Variants in AATK observed in about 807,000 individuals in gnomAD.
AATK encodes the protein lemur tail kinase 1, also known as serine/threonine-protein kinase LMTK1.
Under a neutral mutation model 114.3 loss-of-function variants are expected in AATK, and 91 were observed. That is an observed-to-expected ratio of 0.80 (90% confidence interval 0.67 to 0.95). The LOEUF is 0.95. Ranked by LOEUF, AATK falls within the 40% of genes least tolerant of loss-of-function variation. AATK has a pLI of 0.00. For synonymous variants in AATK, 1,075 were observed against 916.5 expected (o/e 1.17, Z -3.12); for missense variants, 2,176 against 1,965.2 (o/e 1.11, Z -2.03).
chr17:81,138,163 A>G (rs540443406), intron 1 of AATK, among the ~76,000 whole-genome samples: 2 of 150,172 alleles, frequency 1.3e-5, no homozygotes, highest in Non-Finnish European at 3.0e-5. Flanking sequence ...GCCCACATGC[A>G]CACACACACT....
chr17:81,165,869 G>T, intron 1 of AATK, 69 bp downstream of exon 1: 2 of 1,536,446 alleles, frequency 1.3e-6, no homozygotes, highest in Admixed American at 4.1e-5. Context: ...GGGAGCCGTG[G>T]GGCCCAGGGG....
chr17:81,142,595 TG>T (rs1315257540), intron 1 of AATK, among the ~76,000 whole-genome samples: 4 of 152,170 alleles, frequency 2.6e-5, no homozygotes, highest in African/African-American at 9.6e-5. Context: ...GCTGAGAGGT[TG>T]GGGTGGGAAG....
Position 81,119,409 on chromosome 17 carries a change from A to G in AATK, c.4055T>C (p.Val1352Ala). Residue 1352 changes from valine (V) to alanine (A), a missense_variant, in exon 13 of 14, where the codon GTG becomes GCG. Transcript: ENST00000326724. ...APTSRFSITH[V>A]SDSDAESKRG... ...CTTGGACTCGGCGTCCGAGTCAGAC[A>G]CGTGCGTGATGGAGAAGCGGGACGT... 1 of 1,551,246 alleles carries G rather than the reference A, an allele frequency of 6.4e-7. No homozygotes were observed. The highest frequency in any genetic ancestry group is 1.7e-4 in the Middle Eastern group (1 of 5,840).
At chr17:81,146,989 AAAGT>A (rs1427453080) in intron 1 of AATK, among the ~76,000 whole-genome samples, 1 of 85,972 alleles carries the variant, frequency 1.2e-5, no homozygotes, top group South Asian at 3.0e-4. Flanking sequence ...GAATAAAAAT[AAAGT>A]AAGGAATGAG....
rs1286718239 is a variant in AATK, at chr17:81,118,351, TG to T, written c.*50del. The T allele has an allele frequency of 1.0e-5, 16 of 1,557,534 alleles. No homozygotes were observed. Among genetic ancestry groups the T allele is most frequent in the African/African-American group, 1.4e-5 (1 of 73,320 alleles). On this transcript the variant is annotated 3_prime_UTR_variant, in exon 14 of 14. Transcript: ENST00000326724. ...CTCGGTCACCATCCTCGCTGCTGCCTGGCAGGGGCTCCGGTGACGCCAGCCT... is the reference window on the plus strand; with the variant it reads ...CTCGGTCACCATCCTCGCTGCTGCCTGCAGGGGCTCCGGTGACGCCAGCCT...
chr17:81,149,950 AT>A (rs1461043776), intron 1 of AATK, among the ~76,000 whole-genome samples: 2 of 152,018 alleles, frequency 1.3e-5, no homozygotes, highest in Non-Finnish European at 2.9e-5. Context: ...GAGGGCCATG[AT>A]TTTTTTAATG....
At chr17:81,130,666 A>T (rs928927154) in intron 3 of AATK, among the ~76,000 whole-genome samples, 4 of 152,042 alleles carry the variant, frequency 2.6e-5, no homozygotes, top group African/African-American at 9.7e-5. Flanking sequence ...ACTGCAGAAG[A>T]GCCCCTGCCC....
intron 1 of AATK, among the ~76,000 whole-genome samples, chr17:81,151,456 A>C (rs2061297989): frequency 6.6e-6 from 1 of 152,104 alleles, no homozygotes; most frequent in African/African-American, 2.4e-5. Flanking sequence ...CTTGTGGCTC[A>C]GACGCATCCG....
intron 1 of AATK, among the ~76,000 whole-genome samples, chr17:81,142,346 C>T (rs1352465349): frequency 1.3e-5 from 2 of 151,812 alleles, no homozygotes; most frequent in African/African-American, 4.8e-5. Context: ...AATCACGGCT[C>T]ATGGCAGCCT....
chr17:81,128,187 C>T (rs2060875658), intron 4 of AATK, among the ~76,000 whole-genome samples: 1 of 152,170 alleles, frequency 6.6e-6, no homozygotes, highest in African/African-American at 2.4e-5. Context: ...GGAAGAGGGA[C>T]CCAGGTGTCT....
Position 81,120,230 on chromosome 17 carries a change from C to T in AATK, c.3706G>A (p.Asp1236Asn), listed in dbSNP as rs1490867571. The T allele has an allele frequency of 4.4e-6, 7 of 1,588,022 alleles. No homozygotes were observed. Among genetic ancestry groups the T allele is most frequent in the Non-Finnish European group, 5.2e-6 (6 of 1,161,998 alleles). The change falls in exon 11 of 14, where the codon GAC (aspartate) becomes AAC (asparagine). Residue 1236 changes from aspartate (D) to asparagine (N), a missense_variant. Physicochemically the swap from Asp to Asn is conservative, Grantham distance 23 (BLOSUM62 1). This residue lies in a region of AATK where 1,701 missense variants were observed against 1,394.7 expected (regional missense o/e 1.22). Transcript: ENST00000326724. ...ERKKKAVSFF[D>N]DVTVYLFDQE... ...TCAAAGAGGTAGACGGTGACGTCGT[C>T]GAAGAAGGACACGGCCTTCTTCTTG... is the stretch of plus-strand genomic sequence containing the variant.
In AATK at chr17:81,126,006, C is replaced by T; in HGVS notation, c.755+421G>A. On this transcript the variant is annotated intron_variant, in intron 7 of 13. Transcript: ENST00000326724. The surrounding 1 kb of genome is among the most constrained non-coding windows in gnomAD (Gnocchi z 5.1). ...GCCACGTGTCCTTCGCCACTTCTTC[C>T]AGCATGTCCCCCCGGGGTCCCCAGG... 2.1e-6 allele frequency: 1 copy of T among 476,206 alleles called. No individual in the cohort carries two copies. Among genetic ancestry groups the T allele is most frequent in the Non-Finnish European group, 4.3e-6 (1 of 231,204 alleles). 29.5% of individuals were successfully genotyped at this position (476,206 alleles called of 1,614,324 possible). A position where few individuals can be genotyped will look rare whatever the true frequency, so the allele number is the denominator to read the frequency against.
At position 81,121,247 on chromosome 17, in the gene AATK, C is replaced by T; in HGVS notation, c.2689G>A (p.Val897Met). 4.4e-6 allele frequency: 7 copies of T among 1,608,804 alleles called. No individual in the cohort carries two copies. The highest frequency in any genetic ancestry group is 5.9e-6 in the Non-Finnish European group (7 of 1,178,154). ...VPAFRSLQKQ[V>M]GTPDSLDSLD... ...GAGTCCAGGGAGTCGGGGGTCCCCA[C>T]CTGCTTCTGCAGAGAGCGGAAGGCT... Residue 897 changes from valine to methionine, a missense_variant, in exon 11 of 14, where the codon GTG becomes ATG. This residue lies in a region of AATK where 1,701 missense variants were observed against 1,394.7 expected (regional missense o/e 1.22). Transcript: ENST00000326724.
intron 3 of AATK, among the ~76,000 whole-genome samples, chr17:81,129,740 C>A (rs998386174): frequency 6.6e-6 from 1 of 152,182 alleles, no homozygotes; most frequent in African/African-American, 2.4e-5. Context: ...GACCCAAGGG[C>A]AGTACCCCCT....
At chr17:81,128,620 G>C in intron 3 of AATK, 71 bp from the exon 4 acceptor site, 1 of 1,541,462 alleles carries the variant, frequency 6.5e-7, no homozygotes, top group African/African-American at 1.4e-5. Context: ...CCCGGCCCCT[G>C]GAGGGGCTGC....
chr17:81,123,748 A>C (rs1598909612), intron 9 of AATK, among the ~76,000 whole-genome samples: 5 of 129,848 alleles, frequency 3.9e-5, no homozygotes, highest in African/African-American at 5.8e-5. Flanking sequence ...GGGAGGGGGA[A>C]GGAAGGGGAG....
chr17:81,125,099 G>C (rs868253793), intron 7 of AATK, 85 bp from the exon 8 acceptor site: 1 of 918,330 alleles, frequency 1.1e-6, no homozygotes, highest in African/African-American at 1.6e-5. Flanking sequence ...TCAGTGGGGT[G>C]TGCCGGGCGG....
chr17:81,129,933 A>G (rs777373230), intron 3 of AATK, among the ~76,000 whole-genome samples: 1 of 152,216 alleles, frequency 6.6e-6, no homozygotes, highest in African/African-American at 2.4e-5. Flanking sequence ...CCTGTCCTCC[A>G]GGAGATGGGG....
At chr17:81,134,540 G>C (rs1375334795) in intron 1 of AATK, 39 bp from the exon 2 acceptor site, 4 of 1,591,482 alleles carry the variant, frequency 2.5e-6, no homozygotes, top group Non-Finnish European at 3.4e-6. Context: ...CCATGGCTGA[G>C]GGCCGGCCAG....
Sources: allele counts gnomAD v4.1 joint callset (sites outside exome capture counted in the v4.1 genomes callset), GRCh38; gene constraint gnomAD v4.1.1; regional missense constraint gnomAD v4.1.1; non-coding constraint Gnocchi (gnomAD v3.1); transcripts MANE v1.5; gene names NCBI Gene and HGNC (gene_info 2026-07-23, HGNC 2026-07-21).